Variants in CNPY4 observed in about 807,000 individuals in gnomAD.
CNPY4 encodes the protein protein canopy homolog 4.
In CNPY4, 33 loss-of-function variants were observed where a neutral mutation model predicts 30.1. The ratio of observed to expected loss-of-function variants is 1.10; its 90% confidence interval spans 0.83 to 1.46. CNPY4 has a LOEUF of 1.46. Among genes scored for constraint, CNPY4 ranks in the 40% most tolerant of loss-of-function variants. The pLI is 0.00. For missense variants in CNPY4, 324 were observed against 302.6 expected (o/e 1.07, Z -0.52); for synonymous variants, 109 against 110.1 (o/e 0.99, Z 0.06).
At chr7:100,123,984 C>T (rs1354603759) in intron 4 of CNPY4, among the ~76,000 whole-genome samples, 2 of 151,980 alleles carry the variant, frequency 1.3e-5, no homozygotes, top group Non-Finnish European at 2.9e-5. Context: ...CAAGAATTAG[C>T]CGGGCGTGGT....
At chr7:100,122,212 G>T in intron 1 of CNPY4, 47 bp from the exon 2 acceptor site, 2 of 1,609,942 alleles carry the variant, frequency 1.2e-6, no homozygotes, top group Non-Finnish European at 1.7e-6. Context: ...TGAATGGCTG[G>T]TGTGTTTGTC....
At position 100,122,260 on chromosome 7, in the gene CNPY4, G is replaced by A. The variant is rs1798094060; in HGVS notation, c.120G>A (p.Val40=). ...CCGGACGTTTCTCCTCCCCACCAGT[G>A]TGTAAGCTGCTGAGCACAGAGCTAC... ...DTERLPSKCE[V]CKLLSTELQA... The change falls in exon 2 of 6, where the codon GTG becomes GTA. Residue 40 remains valine (V), a splice_region_variant and synonymous_variant. Transcript: ENST00000262932. The A allele has an allele frequency of 1.2e-6, 2 of 1,613,978 alleles. No homozygotes were observed. Among genetic ancestry groups the A allele is most frequent in the Non-Finnish European group, 1.7e-6 (2 of 1,179,982 alleles).
At chr7:100,121,826 G>A (rs1434160320) in intron 1 of CNPY4, among the ~76,000 whole-genome samples, 4 of 151,746 alleles carry the variant, frequency 2.6e-5, no homozygotes, top group South Asian at 2.1e-4. Flanking sequence ...CAAGGCGGGC[G>A]GATCACAAGG....
rs763760808 is a variant in CNPY4 at position 100,122,385 on chromosome 7, C to T, written c.245C>T (p.Ser82Leu). The change falls in exon 2 of 6, where the codon TCA (serine) becomes TTA (leucine). Residue 82 changes from serine to leucine, a missense_variant and splice_region_variant. Coordinates refer to ENST00000262932, the MANE Select transcript of CNPY4 (RefSeq NM_152755.2). ...KRKRHVPYSV[S>L]ETRLEEALEN... ...AAGAGACACGTGCCTTACAGCGTTT[C>T]GTGAGTCCTTCGTGCTCCTCCCCTT... is the stretch of plus-strand genomic sequence containing the variant. The T allele has an allele frequency of 1.1e-5, 17 of 1,614,090 alleles. No individual in the cohort carries two copies. The highest frequency in any genetic ancestry group is 4.5e-5 in the East Asian group (2 of 44,870).
In CNPY4 at chr7:100,122,307, G is replaced by GTCGATC. The variant is rs761018440; in HGVS notation, c.172_177dup (p.Ser58_Arg59dup). On this transcript the variant is annotated inframe_insertion, in exon 2 of 6. Transcript: ENST00000262932. ...CTACAGGCGGAACTGAGTCGCACCG[G>GTCGATC]TCGATCTCGAGAGGTGCTGGAGCTG... The GTCGATC allele has an allele frequency of 3.1e-6, 5 of 1,614,130 alleles. No homozygotes were observed.
intron 4 of CNPY4, among the ~76,000 whole-genome samples, chr7:100,123,950 G>A (rs1798149578): frequency 6.6e-6 from 1 of 152,098 alleles, no homozygotes; most frequent in Admixed American, 6.6e-5. Context: ...CCATCATAGT[G>A]AAACCCTGTC....
At chr7:100,119,959 C>G (rs1797981653) in intron 1 of CNPY4, 97 bp downstream of exon 1, 4 of 1,120,698 alleles carry the variant, frequency 3.6e-6, no homozygotes, top group Admixed American at 6.1e-5. Context: ...CACCCGACCT[C>G]CTTGAAGGCT....
intron 4 of CNPY4, among the ~76,000 whole-genome samples, 175 bp downstream of exon 4, chr7:100,123,081 C>T (rs1798116806): frequency 6.6e-6 from 1 of 152,062 alleles, no homozygotes; most frequent in Non-Finnish European, 1.5e-5. Flanking sequence ...GTGGCTCACA[C>T]CTGTAATCCC....
intron 1 of CNPY4, among the ~76,000 whole-genome samples, chr7:100,121,687 G>T (rs1001625842): frequency 6.6e-6 from 1 of 151,138 alleles, no homozygotes; most frequent in Admixed American, 6.6e-5. Context: ...TGATCTGCCC[G>T]CCTCAGCCTC....
At position 100,125,490 on chromosome 7, in the gene CNPY4, TTTTC is replaced by T. The variant is rs1398760632; in HGVS notation, c.*606_*609del. The stretch of plus-strand genomic sequence containing the variant: ...AATTTTCTATATCGCTATTAAACTT[TTTTC>T]TTTTTTTCTAAAAACTAGCTGGGCC... On this transcript the variant is annotated 3_prime_UTR_variant, in exon 6 of 6. Coordinates refer to ENST00000262932, the MANE Select transcript of CNPY4 (RefSeq NM_152755.2). 1 of 152,178 alleles carries T rather than the reference TTTTC, an allele frequency of 6.6e-6. No individual in the cohort carries two copies. The highest frequency in any genetic ancestry group is 1.5e-5 in the Non-Finnish European group (1 of 68,058). The allele number at this position is 152,178 out of a possible 1,614,324, so 9.4% of individuals were successfully genotyped here.
chr7:100,120,036 C>A, intron 1 of CNPY4, 174 bp downstream of exon 1: 1 of 528,268 alleles, frequency 1.9e-6, no homozygotes, highest in Non-Finnish European at 3.2e-6. Flanking sequence ...TGTAGTGCCA[C>A]CTCAAACTGC....
chr7:100,125,004 T>C lies in CNPY4; in HGVS notation c.*116T>C. 1 of 1,227,124 alleles carries C rather than the reference T, an allele frequency of 8.1e-7. No individual in the cohort carries two copies. The highest frequency in any genetic ancestry group is 1.5e-5 in the South Asian group (1 of 66,388). 76.0% of individuals were successfully genotyped at this position (1,227,124 alleles called of 1,614,324 possible). On this transcript the variant is annotated 3_prime_UTR_variant, in exon 6 of 6. Transcript: ENST00000262932. ...TTATGAGTGACTCCACCCAAGCTTG[T>C]AGCTGTTCTCTCCCATCTAACCTCA...
chr7:100,122,840 G>A lies in CNPY4; in HGVS notation c.399G>A (p.Val133=), dbSNP rs770694219. The change falls in exon 4 of 6, where the codon GTG becomes GTA. Residue 133 remains valine (V), a synonymous_variant. Transcript: ENST00000262932. The part of the protein sequence containing the change: ...LKGLVQKGVK[V]DLGIPLELWD... ...GCCTAGTGCAGAAGGGGGTGAAGGT[G>A]GATCTGGGGATCCCTCTGGAGCTTT... 2 of 1,613,944 alleles carry A rather than the reference G, an allele frequency of 1.2e-6. No individual in the cohort carries two copies. The highest frequency in any genetic ancestry group is 3.3e-5 in the Admixed American group (2 of 59,996).
Position 100,119,666 on chromosome 7 carries a change from C to G in CNPY4, c.-79C>G, listed in dbSNP as rs760204447. 2 of 1,611,530 alleles carry G rather than the reference C, an allele frequency of 1.2e-6. No homozygotes were observed. The highest frequency in any genetic ancestry group is 1.7e-6 in the Non-Finnish European group (2 of 1,178,944). Reference sequence around the variant, plus strand: ...GGCTGGATTTAAGGTTGCCGCTAGCCGCCTGGGAATTTAAGGGACCCACAC... The same window carrying G: ...GGCTGGATTTAAGGTTGCCGCTAGCGGCCTGGGAATTTAAGGGACCCACAC... On this transcript the variant is annotated 5_prime_UTR_variant, in exon 1 of 6. Coordinates refer to ENST00000262932, the MANE Select transcript of CNPY4 (RefSeq NM_152755.2).
intron 4 of CNPY4, among the ~76,000 whole-genome samples, chr7:100,123,850 G>T (rs1357092522): frequency 1.3e-5 from 2 of 152,178 alleles, no homozygotes; most frequent in East Asian, 1.9e-4. Context: ...GTAATAATGG[G>T]CCAGGTGCGA....
chr7:100,122,894 C>T lies in CNPY4; in HGVS notation c.453C>T (p.Tyr151=). The T allele has an allele frequency of 6.2e-7, 1 of 1,612,636 alleles. No homozygotes were observed. The highest frequency in any genetic ancestry group is 8.5e-7 in the Non-Finnish European group (1 of 1,179,494). Reference sequence around the variant, plus strand: ...ATGAGCCCAGCGTGGAGGTCACATACCTCAAGAAGCAGGTAGGATAAGACA... The same window carrying T: ...ATGAGCCCAGCGTGGAGGTCACATATCTCAAGAAGCAGGTAGGATAAGACA... ...LWDEPSVEVT[Y]LKKQCETMLE... The change falls in exon 4 of 6, where the codon TAC becomes TAT. Residue 151 remains tyrosine, a synonymous_variant. Transcript: ENST00000262932.
chr7:100,125,103 A>G lies in CNPY4; in HGVS notation c.*215A>G, dbSNP rs1798178333. 5.5e-6 allele frequency: 3 copies of G among 549,302 alleles called. No individual in the cohort carries two copies. Among genetic ancestry groups the G allele is most frequent in the Middle Eastern group, 4.5e-4 (1 of 2,214 alleles). The allele number at this position is 549,302 out of a possible 1,614,324, so 34.0% of individuals were successfully genotyped here. A position where few individuals can be genotyped will look rare whatever the true frequency, so the allele number is the denominator to read the frequency against. On this transcript the variant is annotated 3_prime_UTR_variant, in exon 6 of 6. Coordinates refer to ENST00000262932, the MANE Select transcript of CNPY4 (RefSeq NM_152755.2). Reference sequence around the variant, plus strand: ...GGGGGTGGAGGTCCTGCTCCTAGAGATGAACTCTATCCAGCCCCTTAATTG... The same window carrying G: ...GGGGGTGGAGGTCCTGCTCCTAGAGGTGAACTCTATCCAGCCCCTTAATTG...
intron 4 of CNPY4, among the ~76,000 whole-genome samples, chr7:100,123,570 G>C (rs995608846): frequency 1.3e-5 from 2 of 151,840 alleles, no homozygotes; most frequent in Admixed American, 6.6e-5. Flanking sequence ...GCCCAGGCTG[G>C]AGTGCACCGG....
rs1271714115 is a variant in CNPY4, at chr7:100,125,092, T to C, written c.*204T>C. 24 of 571,002 alleles carry C rather than the reference T, an allele frequency of 4.2e-5. No homozygotes were observed. The South Asian group carries it at 5.8e-4, about 14-fold the overall frequency. The allele number at this position is 571,002 out of a possible 1,614,324, so 35.4% of individuals were successfully genotyped here. On this transcript the variant is annotated 3_prime_UTR_variant, in exon 6 of 6. Coordinates refer to ENST00000262932, the MANE Select transcript of CNPY4 (RefSeq NM_152755.2). The stretch of plus-strand genomic sequence containing the variant: ...GGGTGGAGGGTGGGGGTGGAGGTCC[T>C]GCTCCTAGAGATGAACTCTATCCAG...
Sources: gnomAD v4.1 joint callset for allele counts (sites outside exome capture counted in the v4.1 genomes callset) on GRCh38, gnomAD v4.1.1 for gene constraint, MANE v1.5 for transcripts, NCBI Gene and HGNC (gene_info 2026-07-23, HGNC 2026-07-21) for gene names.